PON3: variants seen among roughly 807,000 people sequenced by gnomAD.
The protein encoded by PON3 is serum paraoxonase/lactonase 3.
PON3 carries 37 observed loss-of-function variants against 36.3 expected under a neutral mutation model. The ratio of observed to expected loss-of-function variants is 1.02; its 90% CI spans 0.78 to 1.34. The LOEUF (loss-of-function observed/expected upper bound fraction) is 1.34, where lower values mean the gene tolerates loss of function less well. PON3 is among the 40% of genes most tolerant of loss of function. The pLI is 0.00. For synonymous variants in PON3, 155 were observed against 154.8 expected (o/e 1.00, Z -0.01); for missense variants, 415 against 426.5 (o/e 0.97, Z 0.24).
chr7:95,361,585 T>A (rs529196797), intron 8 of PON3, among the ~76,000 whole-genome samples: 1 of 152,184 alleles, frequency 6.6e-6, no homozygotes, highest in African/African-American at 2.4e-5. Flanking sequence ...TTATTTCTTA[T>A]GCTTATTGTT....
At chr7:95,368,828 A>AG in intron 4 of PON3, among the ~76,000 whole-genome samples, 2 of 149,764 alleles carry the variant, frequency 1.3e-5, no homozygotes, top group Admixed American at 1.3e-4. Context: ...AAAAAAAAAA[A>AG]GAAAGAAAAA....
At chr7:95,380,061 G>T (rs1293978947) in intron 3 of PON3, among the ~76,000 whole-genome samples, 3 of 152,176 alleles carry the variant, frequency 2.0e-5, no homozygotes, top group African/African-American at 7.2e-5. Flanking sequence ...TCGCTGTTCT[G>T]CAGCCTCCGC....
At chr7:95,382,650 C>A (rs1809088190) in intron 3 of PON3, among the ~76,000 whole-genome samples, 2 of 152,092 alleles carry the variant, frequency 1.3e-5, no homozygotes, top group Non-Finnish European at 2.9e-5. Flanking sequence ...AAGACTAAAC[C>A]AGGAAGAACT....
At chr7:95,395,651 TA>T (rs1250625537) in intron 1 of PON3, among the ~76,000 whole-genome samples, 2 of 152,164 alleles carry the variant, frequency 1.3e-5, no homozygotes, top group African/African-American at 2.4e-5. Context: ...TATTATCACT[TA>T]AAGGTTCTTC....
At chr7:95,360,307 A>T (rs1456481822) in intron 8 of PON3, among the ~76,000 whole-genome samples, 176 bp from the exon 9 acceptor site, 2 of 152,186 alleles carry the variant, frequency 1.3e-5, no homozygotes, top group African/African-American at 4.8e-5. Context: ...ATATCTATGC[A>T]CCAAAGTGAA....
intron 1 of PON3, 82 bp from the exon 2 acceptor site, chr7:95,394,796 G>A (rs1387243447): frequency 1.3e-5 from 14 of 1,094,492 alleles, no homozygotes; most frequent in African/African-American, 7.7e-5. Flanking sequence ...AATCATCTTC[G>A]TGTTGGTTAA....
chr7:95,383,452 C>T (rs1809111676), intron 3 of PON3, among the ~76,000 whole-genome samples: 1 of 152,180 alleles, frequency 6.6e-6, no homozygotes, highest in South Asian at 2.1e-4. Context: ...ATCTAGAAAA[C>T]CCCATTGTCT....
intron 3 of PON3, among the ~76,000 whole-genome samples, chr7:95,383,751 T>G (rs1446053125): frequency 6.6e-6 from 1 of 152,168 alleles, no homozygotes; most frequent in African/African-American, 2.4e-5. Context: ...ATAGGAAGAA[T>G]CAATATCGTG....
chr7:95,375,259 T>C (rs900680510), intron 3 of PON3, among the ~76,000 whole-genome samples: 4 of 151,224 alleles, frequency 2.6e-5, no homozygotes, highest in African/African-American at 9.7e-5. Context: ...TGTATACATA[T>C]ATATATGTAT....
intron 3 of PON3, among the ~76,000 whole-genome samples, chr7:95,389,520 A>C (rs994346444): frequency 2.0e-5 from 3 of 152,170 alleles, no homozygotes; most frequent in Admixed American, 2.0e-4. Flanking sequence ...ATATATGAAA[A>C]ATTTCAACAT....
At chr7:95,361,284 T>C (rs898071682) in intron 8 of PON3, among the ~76,000 whole-genome samples, 2 of 152,170 alleles carry the variant, frequency 1.3e-5, no homozygotes, top group African/African-American at 4.8e-5. Context: ...TAATCATATT[T>C]TTAACTGAAA....
At chr7:95,369,875 C>G (rs938351701) in intron 4 of PON3, among the ~76,000 whole-genome samples, 2 of 152,170 alleles carry the variant, frequency 1.3e-5, no homozygotes, top group Non-Finnish European at 2.9e-5. Flanking sequence ...AGATGGTGGG[C>G]AGGCTTCCCT....
At chr7:95,396,097 C>A in intron 1 of PON3, 180 bp downstream of exon 1, 1 of 701,574 alleles carries the variant, frequency 1.4e-6, no homozygotes, top group Non-Finnish European at 2.6e-6. Context: ...TTTGGAAACG[C>A]AAGTAGCTCA....
chr7:95,368,570 A>C (rs536031874), intron 4 of PON3, among the ~76,000 whole-genome samples: 2 of 152,332 alleles, frequency 1.3e-5, no homozygotes, highest in African/African-American at 4.8e-5. Flanking sequence ...CTTCTAGTGC[A>C]TCTACTGAAT....
intron 3 of PON3, among the ~76,000 whole-genome samples, chr7:95,376,821 A>T (rs1447828238): frequency 6.6e-6 from 1 of 152,208 alleles, no homozygotes; most frequent in Non-Finnish European, 1.5e-5. Flanking sequence ...TGCGGCTCCC[A>T]GTGAGATCAA....
chr7:95,391,805 A>G (rs1195693110), intron 2 of PON3, among the ~76,000 whole-genome samples: 1 of 152,184 alleles, frequency 6.6e-6, no homozygotes, highest in African/African-American at 2.4e-5. Flanking sequence ...ATTAACCTGT[A>G]TCTAGTAATA....
chr7:95,389,964 T>C (rs1223529122), intron 3 of PON3, among the ~76,000 whole-genome samples, 190 bp downstream of exon 3: 1 of 152,194 alleles, frequency 6.6e-6, no homozygotes, highest in African/African-American at 2.4e-5. Flanking sequence ...CATGAGGCAG[T>C]CAAAGCTGGG....
At chr7:95,396,055 A>C (rs1809424596) in intron 1 of PON3, 2 of 600,070 alleles carry the variant, frequency 3.3e-6, no homozygotes, top group Non-Finnish European at 6.0e-6. Context: ...TAACCTTCAA[A>C]AAATAAATGG....
At chr7:95,384,516 C>T (rs963268508) in intron 3 of PON3, among the ~76,000 whole-genome samples, 2 of 142,696 alleles carry the variant, frequency 1.4e-5, no homozygotes, top group African/African-American at 2.8e-5. Flanking sequence ...AAGAAAAAAA[C>T]ACCCCACCAA....
Sources: gnomAD v4.1 joint callset for allele counts (sites outside exome capture counted in the v4.1 genomes callset) on GRCh38, gnomAD v4.1.1 for gene constraint, MANE v1.5 for transcripts, NCBI Gene and HGNC (gene_info 2026-07-23, HGNC 2026-07-21) for gene names.